Variants in KIF26B observed in about 807,000 individuals in gnomAD.
KIF26B encodes the protein kinesin family member 26B.
Under a neutral mutation model 151.2 loss-of-function variants are expected in KIF26B, and 63 were observed. That is an observed-to-expected ratio of 0.42 (90% CI 0.34 to 0.51). The LOEUF is 0.51. KIF26B is among the 20% of genes least tolerant of loss of function. KIF26B has a pLI of 0.07. For missense variants in KIF26B, 2,813 were observed against 2,913.6 expected (o/e 0.97, Z 0.79); for synonymous variants, 1,357 against 1,262.1 (o/e 1.08, Z -1.59).
rs554058547 is a variant in KIF26B at position 245,156,413 on chromosome 1, C to A, written c.195C>A (p.Ser65=). ...AGGGCGCGGGCTCAGCGCTCGGCTC[C>A]TCGGGGACCCCGTCTCCCGGCTCGG... The part of the protein sequence containing the change: ...TPEGAGSALG[S]SGTPSPGSGT... The change falls in exon 2 of 15, where the codon TCC becomes TCA. Residue 65 remains serine, a synonymous_variant. Coordinates refer to ENST00000407071, the MANE Select transcript of KIF26B (RefSeq NM_018012.4). 85 of 1,533,064 alleles carry A rather than the reference C, an allele frequency of 5.5e-5. No homozygotes were observed. In the African/African-American group the frequency reaches 1.0e-3, roughly 19 times the overall value. 95.0% of individuals were successfully genotyped at this position (1,533,064 alleles called of 1,614,324 possible). A position where few individuals can be genotyped will look rare whatever the true frequency, so the allele number is the denominator to read the frequency against.
At chr1:245,282,222 T>A (rs1198391562) in intron 2 of KIF26B, among the ~76,000 whole-genome samples, 1 of 152,102 alleles carries the variant, frequency 6.6e-6, no homozygotes, top group Non-Finnish European at 1.5e-5. Context: ...AATGACTTTC[T>A]TCACAGAATT....
At chr1:245,575,939 G>A (rs553504459) in intron 5 of KIF26B, among the ~76,000 whole-genome samples, 24 of 152,002 alleles carry the variant, frequency 1.6e-4, no homozygotes, top group South Asian at 1.0e-3. Context: ...GATGCTTCCC[G>A]GGGGTGTTTC....
At chr1:245,662,988 T>G (rs1160309318) in intron 10 of KIF26B, among the ~76,000 whole-genome samples, 3 of 151,186 alleles carry the variant, frequency 2.0e-5, no homozygotes, top group Non-Finnish European at 4.4e-5. Context: ...TCTCTCTTAT[T>G]CTCTTTCCCC....
intron 4 of KIF26B, among the ~76,000 whole-genome samples, chr1:245,445,878 C>T (rs1260465456): frequency 6.6e-6 from 1 of 152,188 alleles, no homozygotes; most frequent in Non-Finnish European, 1.5e-5. Context: ...GCATCCTTCC[C>T]TCCCTTATTT....
At chr1:245,700,933 C>CAGTTCTCTCT (rs1465153436) in intron 14 of KIF26B, among the ~76,000 whole-genome samples, 1 of 152,224 alleles carries the variant, frequency 6.6e-6, no homozygotes, top group East Asian at 1.9e-4. Context: ...TTCAGTCAGT[C>CAGTTCTCTCT]AGTTCTCTCT....
chr1:245,199,639 C>T lies in KIF26B; in HGVS notation c.465+42956C>T, dbSNP rs185902510. Among the ~76,000 whole-genome samples the T allele has an allele frequency of 1.9e-3, 294 of 152,190 alleles. 1 individual carries two copies. Among genetic ancestry groups the T allele is most frequent in the African/African-American group, 6.5e-3 (270 of 41,514 alleles). The stretch of plus-strand genomic sequence containing the variant: ...GATTACAGGCATGCGCCACCATGCC[C>T]GGCCAATTCCTTTGGTATGTTTAAA... On this transcript the variant is annotated intron_variant, in intron 2 of 14. Transcript: ENST00000407071.
intron 2 of KIF26B, among the ~76,000 whole-genome samples, chr1:245,187,728 G>A (rs1477272624): frequency 1.3e-5 from 2 of 152,170 alleles, no homozygotes; most frequent in Non-Finnish European, 2.9e-5. Flanking sequence ...TGGAGAGGGG[G>A]AGGTTGATGA....
Position 245,155,050 on chromosome 1 carries a change from C to G in KIF26B, c.-375C>G, listed in dbSNP as rs1339825082. 5 of 453,964 alleles carry G rather than the reference C, an allele frequency of 1.1e-5. No homozygotes were observed. The South Asian group carries it at 2.3e-4, about 21-fold the overall frequency. 28.1% of individuals were successfully genotyped at this position (453,964 alleles called of 1,614,324 possible). On this transcript the variant is annotated 5_prime_UTR_variant, in exon 1 of 15. Transcript: ENST00000407071. ...ACTCGGCTCGGCTCTCCCACCTTCC[C>G]GGCAGCGGCCGCGAGCCCTGATTGT... is the stretch of plus-strand genomic sequence containing the variant.
At chr1:245,594,701 G>A (rs564488190) in intron 5 of KIF26B, among the ~76,000 whole-genome samples, 31 of 152,264 alleles carry the variant, frequency 2.0e-4, no homozygotes, top group Non-Finnish European at 4.0e-4. Flanking sequence ...CTAATTCTAT[G>A]AAGAAAGTCA....
At position 245,638,581 on chromosome 1, in the gene KIF26B, G is replaced by A. The variant is rs934104443; in HGVS notation, c.2099-7540G>A. The stretch of plus-strand genomic sequence containing the variant: ...TTTCTTATTCCAGATCTTAGTGAAA[G>A]GTTTTCTATTTTAACCTATTCAGTA... On this transcript the variant is annotated intron_variant, in intron 9 of 14. Transcript: ENST00000407071. 6.6e-5 allele frequency among the ~76,000 whole-genome samples: 10 copies of A among 151,874 alleles called. No homozygotes were observed. In the Middle Eastern group the frequency reaches 0.014, roughly 207 times the overall value.
chr1:245,517,146 C>T (rs553658868), intron 4 of KIF26B, among the ~76,000 whole-genome samples: 1 of 152,306 alleles, frequency 6.6e-6, no homozygotes, highest in Non-Finnish European at 1.5e-5. Context: ...CACTTGAGGT[C>T]AGGAGTTCGA....
chr1:245,282,808 G>A (rs1160417611), intron 2 of KIF26B: 5 of 128,480 alleles, frequency 3.9e-5, no homozygotes, highest in African/African-American at 1.2e-4. Flanking sequence ...TAAACTCTCC[G>A]CTCCTTTAAA....
chr1:245,651,594 C>A (rs1487760056), intron 10 of KIF26B, among the ~76,000 whole-genome samples: 1 of 152,190 alleles, frequency 6.6e-6, no homozygotes, highest in Non-Finnish European at 1.5e-5. Flanking sequence ...TTCCAAACCC[C>A]CAGGCCACAG....
intron 9 of KIF26B, among the ~76,000 whole-genome samples, chr1:245,628,422 A>T (rs1328020207): frequency 1.3e-5 from 2 of 152,254 alleles, no homozygotes. Context: ...CAGAGATTGC[A>T]GTTAGCCAAG....
intron 3 of KIF26B, among the ~76,000 whole-genome samples, chr1:245,407,967 G>A (rs575020422): frequency 3.3e-5 from 5 of 152,106 alleles, no homozygotes; most frequent in Non-Finnish European, 7.3e-5. Context: ...TCAGTGCGGG[G>A]AACAAGTGGT....
intron 4 of KIF26B, among the ~76,000 whole-genome samples, chr1:245,536,936 A>C (rs1183883460): frequency 1.3e-5 from 2 of 152,206 alleles, no homozygotes; most frequent in Non-Finnish European, 2.9e-5. Context: ...AAAGCTCAGA[A>C]GCTCTACAGC....
intron 5 of KIF26B, among the ~76,000 whole-genome samples, chr1:245,573,358 C>G (rs2043083904): frequency 6.6e-6 from 1 of 152,072 alleles, no homozygotes; most frequent in Admixed American, 6.6e-5. Flanking sequence ...CCCGTCTCTA[C>G]TAAAAATACA....
intron 2 of KIF26B, among the ~76,000 whole-genome samples, chr1:245,307,252 G>A (rs1019556285): frequency 6.6e-5 from 10 of 152,192 alleles, no homozygotes; most frequent in South Asian, 2.1e-4. Context: ...AAACAAAACC[G>A]TCTCATATGC....
At chr1:245,547,659 T>C (rs553809341) in intron 5 of KIF26B, among the ~76,000 whole-genome samples, 4 of 151,662 alleles carry the variant, frequency 2.6e-5, no homozygotes, top group African/African-American at 7.2e-5. Context: ...ATTCTGCTGA[T>C]GAGGGTGTGT....
Sources: gnomAD v4.1 joint callset for allele counts (sites outside exome capture counted in the v4.1 genomes callset) on GRCh38, gnomAD v4.1.1 for gene constraint, MANE v1.5 for transcripts, NCBI Gene and HGNC (gene_info 2026-07-23, HGNC 2026-07-21) for gene names.